C2CD5: variants seen among roughly 807,000 people sequenced by gnomAD.
C2CD5 encodes the protein C2 domain-containing protein 5.
C2CD5 carries 109 observed loss-of-function variants against 130.3 expected under a neutral mutation model. The ratio of observed to expected loss-of-function variants is 0.84; its 90% CI spans 0.72 to 0.98. The LOEUF (loss-of-function observed/expected upper bound fraction) is 0.98, where lower values mean the gene tolerates loss of function less well. Among genes scored for constraint, C2CD5 ranks in the 50% least tolerant of loss-of-function variants. The pLI is 0.00. For synonymous variants in C2CD5, 454 were observed against 429.2 expected, an observed-to-expected ratio of 1.06 and a Z score of -0.71; for missense variants, 996 against 1,261.8, an observed-to-expected ratio of 0.79 and a Z score of 3.19.
intron 12 of C2CD5, among the ~76,000 whole-genome samples, chr12:22,486,274 T>C (rs990632223): frequency 6.6e-6 from 1 of 151,904 alleles, no homozygotes; most frequent in Admixed American, 6.6e-5. Flanking sequence ...CTGTGGTCAC[T>C]CATTCCCAGC....
chr12:22,479,229 A>AC lies in C2CD5; in HGVS notation c.1738-753dup, dbSNP rs374689385. ...GCTAGGATTACAGGTGCCCACCACCACACTCAGCTAATTTTTGTATTTTTA... is the reference window on the plus strand; with the variant it reads ...GCTAGGATTACAGGTGCCCACCACCACCACTCAGCTAATTTTTGTATTTTTA... On this transcript the variant is annotated intron_variant, in intron 14 of 26. Transcript: ENST00000446597. Among the ~76,000 whole-genome samples, 78 of 151,930 alleles carry AC rather than the reference A, an allele frequency of 5.1e-4. 1 individual carries two copies. The highest frequency in any genetic ancestry group is 1.8e-3 in the African/African-American group (75 of 41,436).
At chr12:22,531,568 A>G (rs1382848749) in intron 3 of C2CD5, among the ~76,000 whole-genome samples, 1 of 152,224 alleles carries the variant, frequency 6.6e-6, no homozygotes, top group East Asian at 1.9e-4. Flanking sequence ...GTTCTAGCAG[A>G]TAACATGGAA....
intron 10 of C2CD5, among the ~76,000 whole-genome samples, chr12:22,504,426 C>A (rs1314936385): frequency 1.3e-5 from 2 of 151,848 alleles, no homozygotes; most frequent in East Asian, 3.9e-4. Flanking sequence ...CTCAGCCTCC[C>A]GAGTAGCTGG....
intron 9 of C2CD5, among the ~76,000 whole-genome samples, chr12:22,511,693 T>G (rs938627365): frequency 6.6e-6 from 1 of 152,148 alleles, no homozygotes; most frequent in South Asian, 2.1e-4. Flanking sequence ...TTCAAAATGG[T>G]TTTCACTGCT....
chr12:22,501,338 T>A (rs1399758968), intron 10 of C2CD5, among the ~76,000 whole-genome samples: 1 of 152,150 alleles, frequency 6.6e-6, no homozygotes, highest in Non-Finnish European at 1.5e-5. Context: ...GTCCTTACTA[T>A]GTCTATAAGA....
chr12:22,457,245 C>T (rs1940079383), intron 24 of C2CD5, 84 bp from the exon 25 acceptor site: 1 of 867,508 alleles, frequency 1.2e-6, no homozygotes, highest in Admixed American at 2.8e-5. Context: ...TAAGTGGTGA[C>T]AACATTCAGC....
intron 4 of C2CD5, among the ~76,000 whole-genome samples, chr12:22,527,393 A>T (rs1950824820): frequency 6.8e-6 from 1 of 146,900 alleles, no homozygotes; most frequent in Non-Finnish European, 1.5e-5. Context: ...ATCTCAGCTC[A>T]CCACAACCTC....
intron 10 of C2CD5, among the ~76,000 whole-genome samples, chr12:22,506,248 C>T (rs574378471): frequency 6.6e-6 from 1 of 152,274 alleles, no homozygotes; most frequent in South Asian, 2.1e-4. Flanking sequence ...TCAAGCGATC[C>T]TCCTTGCCCC....
chr12:22,506,641 A>C, intron 10 of C2CD5, 70 bp downstream of exon 10: 2 of 930,360 alleles, frequency 2.1e-6, no homozygotes, highest in African/African-American at 3.3e-5. Flanking sequence ...GGCTTTAAAA[A>C]AATCATAAAA....
chr12:22,524,374 T>C (rs1186137011), intron 6 of C2CD5, 98 bp downstream of exon 6: 12 of 951,862 alleles, frequency 1.3e-5, no homozygotes, highest in African/African-American at 4.9e-5. Flanking sequence ...TTATAATTCA[T>C]AGCCTTCATT....
At position 22,527,904 on chromosome 12, in the gene C2CD5, C is replaced by A; in HGVS notation, c.178-12G>T. On this transcript the variant is annotated splice_polypyrimidine_tract_variant and intron_variant, in intron 3 of 26. Coordinates refer to ENST00000446597, the MANE Select transcript of C2CD5 (RefSeq NM_001286176.2). ...TCTTCATCATCCACCTACAAGTATA[C>A]CTTAAAATTAAAACTCATATAGTTT... The A allele has an allele frequency of 1.9e-6, 3 of 1,566,552 alleles. No individual in the cohort carries two copies. Among genetic ancestry groups the A allele is most frequent in the South Asian group, 2.3e-5 (2 of 85,450 alleles).
chr12:22,526,931 A>T (rs1419379416), intron 4 of C2CD5, among the ~76,000 whole-genome samples: 2 of 152,222 alleles, frequency 1.3e-5, no homozygotes, highest in African/African-American at 2.4e-5. Flanking sequence ...AGGCAGGCAG[A>T]TCACTTGAGC....
chr12:22,491,862 ACT>A (rs1946394666), intron 11 of C2CD5, among the ~76,000 whole-genome samples: 1 of 151,340 alleles, frequency 6.6e-6, no homozygotes. Context: ...AAAGAGTGAA[ACT>A]CTATCTCAAA....
At chr12:22,476,226 G>T (rs910029933) in intron 15 of C2CD5, among the ~76,000 whole-genome samples, 28 of 151,946 alleles carry the variant, frequency 1.8e-4, no homozygotes, top group African/African-American at 6.5e-4. Context: ...TTTCAGTGAG[G>T]GCTATCATCC....
intron 13 of C2CD5, among the ~76,000 whole-genome samples, chr12:22,483,006 T>A (rs1254679323): frequency 3.3e-5 from 5 of 152,104 alleles, no homozygotes; most frequent in African/African-American, 1.2e-4. Context: ...CAGTCAATAA[T>A]AATTGTACAA....
intron 22 of C2CD5, among the ~76,000 whole-genome samples, chr12:22,468,530 T>C (rs565197064): frequency 1.3e-5 from 2 of 152,338 alleles, no homozygotes; most frequent in East Asian, 3.9e-4. Flanking sequence ...AAGAAGACTC[T>C]TGACAGTTCT....
intron 24 of C2CD5, among the ~76,000 whole-genome samples, chr12:22,458,257 T>G (rs1591931036): frequency 6.6e-6 from 1 of 152,140 alleles, no homozygotes; most frequent in African/African-American, 2.4e-5. Flanking sequence ...TAAGAATACC[T>G]GCACAAAAAG....
intron 9 of C2CD5, among the ~76,000 whole-genome samples, chr12:22,511,486 C>G (rs1949189435): frequency 6.6e-6 from 1 of 152,140 alleles, no homozygotes; most frequent in East Asian, 1.9e-4. Context: ...TAAGTAACTG[C>G]TACTTCGAGG....
chr12:22,535,568 A>G (rs910474891), intron 2 of C2CD5, among the ~76,000 whole-genome samples: 19 of 152,114 alleles, frequency 1.2e-4, no homozygotes, highest in African/African-American at 4.6e-4. Context: ...CCAGCTCCAC[A>G]CATCACAAAG....
Sources: allele counts gnomAD v4.1 joint callset (sites outside exome capture counted in the v4.1 genomes callset), GRCh38; gene constraint gnomAD v4.1.1; transcripts MANE v1.5; gene names NCBI Gene and HGNC (gene_info 2026-07-23, HGNC 2026-07-21).